NXN: variants seen among roughly 807,000 people sequenced by gnomAD.
NXN encodes the protein nucleoredoxin 1.
A neutral mutation model predicts 48.6 loss-of-function variants in NXN; 16 were observed. The observed-to-expected ratio is 0.33, with a 90% confidence interval of 0.22 to 0.50. The LOEUF is 0.50. NXN is among the 20% of genes least tolerant of loss of function. The probability of loss-of-function intolerance (pLI) is 0.98; values close to 1 mark genes in which losing one functional copy is unlikely to be tolerated. For synonymous variants in NXN, 281 were observed against 269.6 expected (o/e 1.04, Z -0.41); for missense variants, 492 against 605.5 (o/e 0.81, Z 1.97).
chr17:807,636 A>G (rs953319767), intron 5 of NXN, among the ~76,000 whole-genome samples: 1 of 152,208 alleles, frequency 6.6e-6, no homozygotes, highest in Non-Finnish European at 1.5e-5. Context: ...GCTCCTCCTA[A>G]GACGAGGTGT....
intron 2 of NXN, 138 bp from the exon 3 acceptor site, chr17:823,903 A>T (rs1912953356): frequency 8.0e-6 from 6 of 747,806 alleles, no homozygotes; most frequent in Non-Finnish European, 8.7e-6. Flanking sequence ...GTGACAAGAT[A>T]ATCATCAAAC....
intron 1 of NXN, among the ~76,000 whole-genome samples, chr17:893,317 G>T (rs1262764283): frequency 6.6e-6 from 1 of 152,232 alleles, no homozygotes; most frequent in Non-Finnish European, 1.5e-5. Flanking sequence ...AGAAAGCATG[G>T]AGCCCAGTCT....
In NXN at chr17:891,610, G is replaced by A. The variant is rs994832470; in HGVS notation, c.361-65532C>T. Among the ~76,000 whole-genome samples, 15 of 152,306 alleles carry A rather than the reference G, an allele frequency of 9.8e-5. No homozygotes were observed. In the East Asian group the frequency reaches 2.9e-3, roughly 29 times the overall value. On this transcript the variant is annotated intron_variant, in intron 1 of 7. Coordinates refer to ENST00000336868, the MANE Select transcript of NXN (RefSeq NM_022463.5). ...AGAGGCTATGATGCTTCAACACGGG[G>A]GACCTCAACCCAAGACTTGTGCTTT...
intron 1 of NXN, among the ~76,000 whole-genome samples, chr17:943,946 A>G (rs1371936361): frequency 2.0e-5 from 3 of 151,934 alleles, no homozygotes; most frequent in African/African-American, 7.3e-5. Flanking sequence ...AAAAAAAAAT[A>G]ACAATATTTG....
intron 1 of NXN, among the ~76,000 whole-genome samples, chr17:908,233 G>A (rs2068599132): frequency 1.3e-5 from 2 of 152,068 alleles, no homozygotes; most frequent in South Asian, 4.2e-4. Flanking sequence ...CTCTAATTGG[G>A]TTACTTCAAA....
At chr17:975,355 GA>G (rs2069446372) in intron 1 of NXN, among the ~76,000 whole-genome samples, 1 of 152,208 alleles carries the variant, frequency 6.6e-6, no homozygotes, top group Admixed American at 6.5e-5. Context: ...GCAGTGTTTG[GA>G]TTCAAGGAAG....
intron 1 of NXN, among the ~76,000 whole-genome samples, chr17:897,488 TAAGGG>T (rs977444846): frequency 5.3e-5 from 8 of 152,148 alleles, no homozygotes; most frequent in African/African-American, 1.9e-4. Context: ...GTAAATTGAA[TAAGGG>T]AAGGAAAATG....
intron 1 of NXN, among the ~76,000 whole-genome samples, chr17:929,273 C>T (rs1281120902): frequency 1.3e-5 from 2 of 152,254 alleles, no homozygotes; most frequent in South Asian, 2.1e-4. Context: ...ACTCGCTTCA[C>T]CTGCCTGGCC....
At chr17:896,857 A>ACCCGCCC in intron 1 of NXN, 2 of 577,954 alleles carry the variant, frequency 3.5e-6, no homozygotes, top group Non-Finnish European at 2.7e-6. Flanking sequence ...GGTCCTGACC[A>ACCCGCCC]CCCGCCCCCG....
At chr17:916,399 T>G (rs1255091572) in intron 1 of NXN, among the ~76,000 whole-genome samples, 1 of 152,022 alleles carries the variant, frequency 6.6e-6, no homozygotes, top group Admixed American at 6.6e-5. Flanking sequence ...CAAAGTCAAA[T>G]CCCTTGTTTT....
At chr17:896,860 C>T (rs1438542171) in intron 1 of NXN, 31 of 565,948 alleles carry the variant, frequency 5.5e-5, no homozygotes, top group South Asian at 1.0e-4. Context: ...CCTGACCACC[C>T]GCCCCCGGCC....
At chr17:801,590 C>T (rs1286189751) in intron 7 of NXN, among the ~76,000 whole-genome samples, 5 of 151,778 alleles carry the variant, frequency 3.3e-5, no homozygotes, top group Non-Finnish European at 1.5e-5. Context: ...GGACTACAGG[C>T]GCCCACCACG....
At chr17:863,177 CTTT>C (rs2068058649) in intron 1 of NXN, among the ~76,000 whole-genome samples, 1 of 151,348 alleles carries the variant, frequency 6.6e-6, no homozygotes, top group Admixed American at 6.6e-5. Flanking sequence ...GTTCTGTCTT[CTTT>C]GTTTTTTTGA....
chr17:947,689 T>C (rs985609922), intron 1 of NXN, among the ~76,000 whole-genome samples: 1 of 134,468 alleles, frequency 7.4e-6, no homozygotes, highest in African/African-American at 2.9e-5. Flanking sequence ...GCCGAGATCC[T>C]GCCACTGCAC....
At chr17:976,049 A>C (rs982466567) in intron 1 of NXN, among the ~76,000 whole-genome samples, 1 of 152,244 alleles carries the variant, frequency 6.6e-6, no homozygotes, top group Non-Finnish European at 1.5e-5. Flanking sequence ...ACAGCTATAT[A>C]ATAATGTGTG....
intron 1 of NXN, among the ~76,000 whole-genome samples, chr17:829,883 T>C (rs1404766909): frequency 1.3e-5 from 2 of 152,212 alleles, no homozygotes; most frequent in African/African-American, 4.8e-5. Flanking sequence ...GATGGGCATT[T>C]GGGTTGGTTC....
At chr17:936,420 C>T (rs576169294) in intron 1 of NXN, among the ~76,000 whole-genome samples, 14 of 151,958 alleles carry the variant, frequency 9.2e-5, no homozygotes, top group East Asian at 1.9e-4. Context: ...ACACACAACC[C>T]GGCCAGCATC....
intron 7 of NXN, among the ~76,000 whole-genome samples, chr17:802,318 T>A (rs1911251586): frequency 6.6e-6 from 1 of 152,012 alleles, no homozygotes; most frequent in South Asian, 2.1e-4. Context: ...GACACAAAAG[T>A]CCAGCCCAGC....
In NXN at chr17:979,463, C is replaced by T. The variant is rs774156727; in HGVS notation, c.216G>A (p.Ala72=). Reference sequence around the variant, plus strand: ...CGGGCTCCGCCGCCGCCCCGGCCCCCGCTCCCGGCCCCGGCCCGGCCGCCG... The same window carrying T: ...CGGGCTCCGCCGCCGCCCCGGCCCCTGCTCCCGGCCCCGGCCCGGCCGCCG... ...GDAAAGPGPG[A]GAGAAAEPEP... Residue 72 remains alanine (A), a synonymous_variant, in exon 1 of 8, where the codon GCG becomes GCA. Coordinates refer to ENST00000336868, the MANE Select transcript of NXN (RefSeq NM_022463.5). The T allele has an allele frequency of 1.7e-6, 2 of 1,206,562 alleles. No individual in the cohort carries two copies. The highest frequency in any genetic ancestry group is 1.6e-5 in the African/African-American group (1 of 62,396). The allele number at this position is 1,206,562 out of a possible 1,614,324, so 74.7% of individuals were successfully genotyped here.
Sources: allele counts gnomAD v4.1 joint callset (sites outside exome capture counted in the v4.1 genomes callset), GRCh38; gene constraint gnomAD v4.1.1; transcripts MANE v1.5; gene names NCBI Gene and HGNC (gene_info 2026-07-23, HGNC 2026-07-21).